KNOP1: variants seen among roughly 807,000 people sequenced by gnomAD.
KNOP1 encodes the protein lysine rich nucleolar protein 1, also known as lysine-rich nucleolar protein 1.
A neutral mutation model predicts 30.6 loss-of-function variants in KNOP1; 20 were observed. The observed-to-expected ratio is 0.65, with a 90% confidence interval of 0.46 to 0.95. The LOEUF (loss-of-function observed/expected upper bound fraction) is 0.95, where lower values mean the gene tolerates loss of function less well. KNOP1 is among the 40% of genes least tolerant of loss of function. The pLI is 0.00. For missense variants in KNOP1, 540 were observed against 562.0 expected, an observed-to-expected ratio of 0.96 and a Z score of 0.40; for synonymous variants, 204 against 210.0, an observed-to-expected ratio of 0.97 and a Z score of 0.25.
chr16:19,717,582 T>C, intron 1 of KNOP1: 2 of 985,496 alleles, frequency 2.0e-6, no homozygotes, highest in Non-Finnish European at 2.4e-6. Context: ...AGCATCCTCC[T>C]CTTTAGCCCT....
chr16:19,707,721 C>T (rs1976467733), intron 4 of KNOP1, among the ~76,000 whole-genome samples: 1 of 119,346 alleles, frequency 8.4e-6, no homozygotes, highest in Non-Finnish European at 1.8e-5. Flanking sequence ...CACACTCCCC[C>T]CACGACCCTA....
At chr16:19,712,047 G>A (rs987461074) in intron 2 of KNOP1, 1 of 153,232 alleles carries the variant, frequency 6.5e-6, no homozygotes, top group African/African-American at 2.4e-5. Context: ...CACTCATCCA[G>A]GCCTGCAACA....
intron 2 of KNOP1, 120 bp downstream of exon 2, chr16:19,713,998 G>T: frequency 2.3e-6 from 2 of 881,404 alleles, no homozygotes; most frequent in Non-Finnish European, 1.8e-6. Context: ...TTTAACCAGG[G>T]TTTTAGCTAA....
Position 19,703,207 on chromosome 16 carries a change from G to A in KNOP1, c.*3703C>T, listed in dbSNP as rs1976233662. The A allele has an allele frequency of 6.6e-6, 1 of 152,170 alleles. No individual in the cohort carries two copies. The highest frequency in any genetic ancestry group is 2.4e-5 in the African/African-American group (1 of 41,436). 9.4% of individuals were successfully genotyped at this position (152,170 alleles called of 1,614,324 possible). ...CAGCAGGGCTACGCTCCTTCTGGGAGGCTCTAGGGGAGAATCTACTTCCTT... is the reference window on the plus strand; with the variant it reads ...CAGCAGGGCTACGCTCCTTCTGGGAAGCTCTAGGGGAGAATCTACTTCCTT... On this transcript the variant is annotated 3_prime_UTR_variant, in exon 5 of 5. Coordinates refer to ENST00000219837, the MANE Select transcript of KNOP1 (RefSeq NM_001012991.3).
intron 4 of KNOP1, among the ~76,000 whole-genome samples, chr16:19,708,138 C>T (rs970956888): frequency 6.6e-6 from 1 of 151,218 alleles, no homozygotes; most frequent in African/African-American, 2.4e-5. Flanking sequence ...TGGGAGAGGG[C>T]GAGTGGGAAT....
At chr16:19,717,392 T>G (rs1235047969) in intron 1 of KNOP1, 1 of 984,930 alleles carries the variant, frequency 1.0e-6, no homozygotes, top group Non-Finnish European at 1.2e-6. Context: ...GACTTCAGAA[T>G]AGGGGAGCAG....
chr16:19,709,403 C>A (rs975761929), intron 4 of KNOP1, among the ~76,000 whole-genome samples: 5 of 152,222 alleles, frequency 3.3e-5, no homozygotes, highest in Admixed American at 2.0e-4. Flanking sequence ...CAAAGTAAAT[C>A]ACAAAGCTGT....
At chr16:19,709,879 G>A (rs1056130314) in intron 4 of KNOP1, among the ~76,000 whole-genome samples, 1 of 152,028 alleles carries the variant, frequency 6.6e-6, no homozygotes, top group African/African-American at 2.4e-5. Context: ...CCATTTCCCT[G>A]CCATGCTCAC....
intron 4 of KNOP1, among the ~76,000 whole-genome samples, chr16:19,708,897 C>T (rs527354180): frequency 4.6e-5 from 7 of 152,256 alleles, no homozygotes; most frequent in Admixed American, 2.6e-4. Context: ...GCACTTCCAA[C>T]GGCTGCTGCC....
rs750255844 is a variant in KNOP1 at position 19,714,193 on chromosome 16, G to A, written c.843C>T (p.Ile281=). The A allele has an allele frequency of 4.3e-6, 7 of 1,613,846 alleles. No individual in the cohort carries two copies. The highest frequency in any genetic ancestry group is 1.3e-5 in the African/African-American group (1 of 74,836). The change falls in exon 2 of 5, where the codon ATC becomes ATT. Residue 281 remains isoleucine, a synonymous_variant. Coordinates refer to ENST00000219837, the MANE Select transcript of KNOP1 (RefSeq NM_001012991.3). ...TCTTCCTTTTCAGAGCTGGCTCCTC[G>A]ATGACTGGCTGCTCTACCTTCTTTT... ...KSKKKVEQPV[I]EEPALKRKKK...
chr16:19,717,939 C>T, intron 1 of KNOP1: 1 of 1,174,380 alleles, frequency 8.5e-7, no homozygotes. Context: ...TCCGCATCAA[C>T]AGACTGGGAG....
At position 19,706,018 on chromosome 16, in the gene KNOP1, G is replaced by A. The variant is rs1030230119; in HGVS notation, c.*892C>T. ...TCCTACCTCAGCACTTAGGGCCGAAGGGACACCAGTGGAAAAGGCAGGACT... is the reference window on the plus strand; with the variant it reads ...TCCTACCTCAGCACTTAGGGCCGAAAGGACACCAGTGGAAAAGGCAGGACT... On this transcript the variant is annotated 3_prime_UTR_variant, in exon 5 of 5. Transcript: ENST00000219837. 3 of 152,268 alleles carry A rather than the reference G, an allele frequency of 2.0e-5. No individual in the cohort carries two copies. Among genetic ancestry groups the A allele is most frequent in the African/African-American group, 7.2e-5 (3 of 41,452 alleles). The allele number at this position is 152,268 out of a possible 1,614,324, so 9.4% of individuals were successfully genotyped here.
chr16:19,707,949 TACAGCGCACCTCCCCCCACCTCCCTAC>T (rs1337510969), intron 4 of KNOP1, among the ~76,000 whole-genome samples: 33 of 52,178 alleles, frequency 6.3e-4, no homozygotes, highest in Admixed American at 1.4e-3. Context: ...CCACTCCCTA[TACAGCGCACCTCCCCCCACCTCCCTAC>T]ACAGCGCACC....
intron 4 of KNOP1, among the ~76,000 whole-genome samples, chr16:19,709,005 GC>G: frequency 6.6e-6 from 1 of 152,134 alleles, no homozygotes; most frequent in Non-Finnish European, 1.5e-5. Flanking sequence ...TCCAGGGACA[GC>G]CCCCCGGGAC....
At position 19,705,448 on chromosome 16, in the gene KNOP1, CTGTAGAGTCCAGGCTTGG is replaced by C; in HGVS notation, c.*1444_*1461del. 1 of 355,494 alleles carries C rather than the reference CTGTAGAGTCCAGGCTTGG, an allele frequency of 2.8e-6. No individual in the cohort carries two copies. The highest frequency in any genetic ancestry group is 5.6e-6 in the Non-Finnish European group (1 of 179,876). 22.0% of individuals were successfully genotyped at this position (355,494 alleles called of 1,614,324 possible). A position where few individuals can be genotyped will look rare whatever the true frequency, so the allele number is the denominator to read the frequency against. On this transcript the variant is annotated 3_prime_UTR_variant, in exon 5 of 5. Coordinates refer to ENST00000219837, the MANE Select transcript of KNOP1 (RefSeq NM_001012991.3). ...TGGACCTGGAGCTCTTTGAGGCTTG[CTGTAGAGTCCAGGCTTGG>C]AAACGCTGTCCCCACAGCCGATGAG...
rs781731995 is a variant in KNOP1, at chr16:19,705,197, A to G, written c.*1713T>C. 2.4e-5 allele frequency: 11 copies of G among 456,044 alleles called. 1 individual carries two copies. Among genetic ancestry groups the G allele is most frequent in the South Asian group, 1.7e-4 (11 of 64,554 alleles). The allele number at this position is 456,044 out of a possible 1,614,324, so 28.2% of individuals were successfully genotyped here. Reference sequence around the variant, plus strand: ...GCCAACACTGGAGATGATGGAGAGAATGCTTCCTTGGCGAGCTGTTGAACC... The same window carrying G: ...GCCAACACTGGAGATGATGGAGAGAGTGCTTCCTTGGCGAGCTGTTGAACC... On this transcript the variant is annotated 3_prime_UTR_variant, in exon 5 of 5. Transcript: ENST00000219837.
chr16:19,714,902 C>T lies in KNOP1; in HGVS notation c.134G>A (p.Arg45Lys). The change falls in exon 2 of 5, where the codon AGA becomes AAA. Residue 45 changes from arginine (R) to lysine (K), a missense_variant. Physicochemically the swap from Arg to Lys is conservative, Grantham distance 26. Coordinates refer to ENST00000219837, the MANE Select transcript of KNOP1 (RefSeq NM_001012991.3). ...DDYFADVSPL[R>K]ATSPSKSVAH... ...CACACTCTTAGAGGGGGATGTAGCTCTTAAAGGAGAAACATCAGCAAAGTA... is the reference window on the plus strand; with the variant it reads ...CACACTCTTAGAGGGGGATGTAGCTTTTAAAGGAGAAACATCAGCAAAGTA... 1 of 1,613,968 alleles carries T rather than the reference C, an allele frequency of 6.2e-7. No homozygotes were observed. The highest frequency in any genetic ancestry group is 2.2e-5 in the East Asian group (1 of 44,886).
Position 19,705,360 on chromosome 16 carries a change from A to G in KNOP1, c.*1550T>C, listed in dbSNP as rs1160095017. ...TCCCAGTCAGAACCTGTATTTTGGG[A>G]TGCAAAAAGCTAGGTGAGTGGAAAG... On this transcript the variant is annotated 3_prime_UTR_variant, in exon 5 of 5. Transcript: ENST00000219837. 2.4e-6 allele frequency: 1 copy of G among 422,600 alleles called. No individual in the cohort carries two copies. The highest frequency in any genetic ancestry group is 7.2e-5 in the East Asian group (1 of 13,982). The allele number at this position is 422,600 out of a possible 1,614,324, so 26.2% of individuals were successfully genotyped here. A position where few individuals can be genotyped will look rare whatever the true frequency, so the allele number is the denominator to read the frequency against.
At chr16:19,716,244 C>T (rs1440368550) in intron 1 of KNOP1, among the ~76,000 whole-genome samples, 1 of 152,206 alleles carries the variant, frequency 6.6e-6, no homozygotes, top group African/African-American at 2.4e-5. Context: ...TACATACTCA[C>T]TGAATGAATG....
Sources: gnomAD v4.1 joint callset for allele counts (sites outside exome capture counted in the v4.1 genomes callset) on GRCh38, gnomAD v4.1.1 for gene constraint, MANE v1.5 for transcripts, NCBI Gene and HGNC (gene_info 2026-07-23, HGNC 2026-07-21) for gene names.